The following HDAC9 variants were observed in gnomAD, a reference collection of about 807,000 sequenced individuals.
HDAC9 encodes histone deacetylase 9, also known as MEF-2 interacting transcription repressor (MITR) protein.
HDAC9 carries 41 observed loss-of-function variants against 139.4 expected under a neutral mutation model. The observed-to-expected ratio is 0.29, with a 90% CI of 0.23 to 0.38. HDAC9 has a LOEUF of 0.38. HDAC9 is among the 10% of genes least tolerant of loss of function. HDAC9 has a pLI of 1.00. For synonymous variants in HDAC9, 517 were observed against 476.2 expected (o/e 1.09, Z -1.12); for missense variants, 1,147 against 1,297.0 (o/e 0.88, Z 1.78).
chr7:18,977,843 AAAG>A (rs557907464), intron 25 of HDAC9, among the ~76,000 whole-genome samples: 7 of 152,120 alleles, frequency 4.6e-5, no homozygotes, highest in African/African-American at 1.2e-4. Context: ...CAGCAGAGGA[AAAG>A]AAGAATTCTT....
chr7:18,749,194 C>G, intron 14 of HDAC9, 56 bp downstream of exon 14: 2 of 1,555,472 alleles, frequency 1.3e-6, no homozygotes, highest in East Asian at 2.3e-5. Context: ...TGTAAAGAGG[C>G]CAGTATTCAT....
intron 2 of HDAC9, among the ~76,000 whole-genome samples, chr7:18,525,322 G>A (rs367764574): frequency 1.3e-5 from 2 of 151,770 alleles, no homozygotes; most frequent in African/African-American, 2.4e-5. Context: ...ATCTAATTGC[G>A]TTAAATATTT....
intron 24 of HDAC9, among the ~76,000 whole-genome samples, chr7:18,961,168 A>G (rs887117806): frequency 1.3e-5 from 2 of 152,148 alleles, no homozygotes; most frequent in Non-Finnish European, 2.9e-5. Flanking sequence ...ACAAGAAGGT[A>G]TTCCCAATAT....
intron 12 of HDAC9, among the ~76,000 whole-genome samples, chr7:18,723,878 T>A (rs1159957484): frequency 6.6e-6 from 1 of 152,182 alleles, no homozygotes; most frequent in Admixed American, 6.5e-5. Context: ...TATTGCATTT[T>A]CTTAATGCAC....
chr7:18,839,698 A>T (rs1004942725), intron 21 of HDAC9, among the ~76,000 whole-genome samples: 1 of 152,078 alleles, frequency 6.6e-6, no homozygotes, highest in African/African-American at 2.4e-5. Context: ...TCATTTTGTT[A>T]TAAGAATGTC....
At chr7:18,330,289 A>G (rs1187479660) in intron 1 of HDAC9, among the ~76,000 whole-genome samples, 1 of 151,538 alleles carries the variant, frequency 6.6e-6, no homozygotes, top group Non-Finnish European at 1.5e-5. Flanking sequence ...GTGGTATTTC[A>G]GACACTTAGA....
At chr7:18,574,673 T>C (rs1286524698) in intron 2 of HDAC9, among the ~76,000 whole-genome samples, 1 of 152,206 alleles carries the variant, frequency 6.6e-6, no homozygotes, top group Non-Finnish European at 1.5e-5. Context: ...CTCCCACTCA[T>C]GCTCTTTGGT....
chr7:18,719,331 C>CCT (rs1784951129), intron 12 of HDAC9, among the ~76,000 whole-genome samples: 1 of 73,896 alleles, frequency 1.4e-5, no homozygotes, highest in Non-Finnish European at 2.4e-5. Flanking sequence ...TTTTCTCTTC[C>CCT]TTTTTTTTTT....
intron 6 of HDAC9, among the ~76,000 whole-genome samples, chr7:18,601,519 C>T (rs550980385): frequency 1.1e-4 from 16 of 151,694 alleles, no homozygotes; most frequent in African/African-American, 3.1e-4. Flanking sequence ...GTTGAGATGT[C>T]GAGCAGGAGA....
chr7:18,824,087 G>GAAGAAGAAGAAGAAGAAGAAGAAGAAC (rs1331001570), intron 17 of HDAC9, among the ~76,000 whole-genome samples: 23 of 147,508 alleles, frequency 1.6e-4, no homozygotes, highest in African/African-American at 1.5e-4. Context: ...AGAAGAAGAA[G>GAAGAAGAAGAAGAAGAAGAAGAAGAAC]AACAAGAACA....
At chr7:18,659,481 T>G (rs566217979) in intron 11 of HDAC9, among the ~76,000 whole-genome samples, 14 of 152,194 alleles carry the variant, frequency 9.2e-5, no homozygotes, top group African/African-American at 3.4e-4. Context: ...CTTTTGAAAT[T>G]TGGATAAATT....
In HDAC9 at chr7:18,791,180, A is replaced by G. The variant is rs554075452; in HGVS notation, c.2215-2165A>G. Among the ~76,000 whole-genome samples the G allele has an allele frequency of 1.7e-3, 264 of 152,312 alleles. 2 individuals carry two copies. Among genetic ancestry groups the G allele is most frequent in the Non-Finnish European group, 2.7e-3 (184 of 68,022 alleles). On this transcript the variant is annotated intron_variant, in intron 16 of 25. Transcript: ENST00000686413. ...ATAATTTTTTGGAAGGAAATTTGCC[A>G]CTGCTTTAAGAAATAAAGAAAGAAA...
chr7:18,826,600 G>A (rs1022462650), intron 17 of HDAC9, among the ~76,000 whole-genome samples: 3 of 150,178 alleles, frequency 2.0e-5, no homozygotes, highest in Non-Finnish European at 4.4e-5. Context: ...CAGATACTTC[G>A]TTCAAGGAAT....
chr7:18,486,296 A>G (rs897611588), intron 1 of HDAC9, among the ~76,000 whole-genome samples: 1 of 152,158 alleles, frequency 6.6e-6, no homozygotes, highest in African/African-American at 2.4e-5. Context: ...CATTATTCTC[A>G]TGAATCAAAT....
chr7:18,752,657 G>T (rs1246450083), intron 14 of HDAC9, among the ~76,000 whole-genome samples: 1 of 152,050 alleles, frequency 6.6e-6, no homozygotes, highest in Non-Finnish European at 1.5e-5. Flanking sequence ...TCCTCTCTTT[G>T]TTGTGGGAAA....
chr7:18,348,544 A>G (rs1013208876), intron 1 of HDAC9, among the ~76,000 whole-genome samples: 13 of 152,096 alleles, frequency 8.5e-5, no homozygotes, highest in African/African-American at 3.1e-4. Flanking sequence ...GTCATAATTT[A>G]ATTATTTCTA....
At chr7:18,297,422 G>T (rs1798224555) in intron 1 of HDAC9, among the ~76,000 whole-genome samples, 1 of 152,050 alleles carries the variant, frequency 6.6e-6, no homozygotes, top group South Asian at 2.1e-4. Context: ...TTTGGTCCAT[G>T]TGTCTGCATT....
At chr7:18,542,208 T>TA (rs1475570921) in intron 2 of HDAC9, among the ~76,000 whole-genome samples, 1 of 152,146 alleles carries the variant, frequency 6.6e-6, no homozygotes, top group Non-Finnish European at 1.5e-5. Context: ...TATACAAAAT[T>TA]AAACTCATTT....
At chr7:18,313,109 G>C (rs1799419958) in intron 1 of HDAC9, among the ~76,000 whole-genome samples, 1 of 152,032 alleles carries the variant, frequency 6.6e-6, no homozygotes, top group Admixed American at 6.6e-5. Context: ...AGTTTGTTCA[G>C]CTTTACGAAG....
Sources: allele counts gnomAD v4.1 joint callset (sites outside exome capture counted in the v4.1 genomes callset), GRCh38; gene constraint gnomAD v4.1.1; transcripts MANE v1.5; gene names NCBI Gene and HGNC (gene_info 2026-07-23, HGNC 2026-07-21).